BRI3BP: variants seen among roughly 807,000 people sequenced by gnomAD.
BRI3BP encodes BRI3-binding protein.
BRI3BP carries 7 observed loss-of-function variants against 15.8 expected under a neutral mutation model. That is an observed-to-expected ratio of 0.44 (90% CI 0.25 to 0.83). BRI3BP has a LOEUF of 0.83. Among genes scored for constraint, BRI3BP ranks in the 40% least tolerant of loss-of-function variants. The probability of loss-of-function intolerance (pLI) is 0.20; values close to 1 mark genes in which losing one functional copy is unlikely to be tolerated. For synonymous variants in BRI3BP, 192 were observed against 163.5 expected (o/e 1.17, Z -1.33); for missense variants, 320 against 339.3 (o/e 0.94, Z 0.45).
chr12:125,012,568 G>A lies in BRI3BP; in HGVS notation c.248G>A (p.Gly83Glu), dbSNP rs781183670. 9 of 1,613,076 alleles carry A rather than the reference G, an allele frequency of 5.6e-6. No homozygotes were observed. The Admixed American group carries it at 8.3e-5, about 15-fold the overall frequency. The change falls in exon 2 of 3, where the codon GGA (glycine) becomes GAA (glutamate). Residue 83 changes from glycine (G) to glutamate (E), a missense_variant. Transcript: ENST00000341446. ...AGGCTGACTGAGAGATTTGTGCTGG[G>A]AGTGGATATGTTCGTGGAGACACTG... ...LARLTERFVL[G>E]VDMFVETLWK...
chr12:125,012,623 T>G lies in BRI3BP; in HGVS notation c.303T>G (p.Val101=). The change falls in exon 2 of 3, where the codon GTT becomes GTG. Residue 101 remains valine (V), a synonymous_variant. Transcript: ENST00000341446. ...AAGTCTGGACCGAGCTCTTGGATGT[T>G]CTTGGACTTGACGGTAGGTGTAGGG... is the stretch of plus-strand genomic sequence containing the variant. ...LWKVWTELLD[V]LGLDVSNLSQ... 1 of 1,605,880 alleles carries G rather than the reference T, an allele frequency of 6.2e-7. No homozygotes were observed. Among genetic ancestry groups the G allele is most frequent in the Middle Eastern group, 1.7e-4 (1 of 6,044 alleles).
rs35063111 is a variant in BRI3BP at position 124,996,757 on chromosome 12, CT to C, written c.213+2771del. 9.2e-3 allele frequency among the ~76,000 whole-genome samples: 1,214 copies of C among 132,554 alleles called. 13 individuals are homozygous for C. The highest frequency in any genetic ancestry group is 0.028 in the African/African-American group (989 of 35,368). The allele number at this position is 132,554 out of a possible 152,430, so 87.0% of individuals were successfully genotyped here. On this transcript the variant is annotated intron_variant, in intron 1 of 2. Coordinates refer to ENST00000341446, the MANE Select transcript of BRI3BP (RefSeq NM_080626.6). The stretch of plus-strand genomic sequence containing the variant: ...GGTATTTAAAAAAACACCCCATAGT[CT>C]TTTTTTTTTTTTTTTTCCGAGATGG...
At chr12:125,043,471 T>A in the BRI3BP span, among the ~76,000 whole-genome samples, 1 of 152,034 alleles carries the variant, frequency 6.6e-6, no homozygotes, top group African/African-American at 2.4e-5. Context: ...ATGCCTATAA[T>A]CCCAGCACTT....
At chr12:125,024,846 A>G (rs1395857758) in intron 2 of BRI3BP, 145 bp from the exon 3 acceptor site, 5 of 683,624 alleles carry the variant, frequency 7.3e-6, no homozygotes, top group African/African-American at 3.6e-5. Context: ...AAGTGTGACT[A>G]TTCACAGAGG....
rs1398520872 is a variant in BRI3BP at position 125,030,602 on chromosome 12, C to G, written c.*5172C>G. On this transcript the variant is annotated 3_prime_UTR_variant, in exon 3 of 3. Coordinates refer to ENST00000341446, the MANE Select transcript of BRI3BP (RefSeq NM_080626.6). ...CGCTGATTGCCATTTGCATTGTCTA[C>G]TGAAAAGCTGTGGCAGCGAGTGGTA... is the stretch of plus-strand genomic sequence containing the variant. 1 of 152,228 alleles carries G rather than the reference C, an allele frequency of 6.6e-6. No individual in the cohort carries two copies. The highest frequency in any genetic ancestry group is 1.5e-5 in the Non-Finnish European group (1 of 68,040). The allele number at this position is 152,228 out of a possible 1,614,324, so 9.4% of individuals were successfully genotyped here. A position where few individuals can be genotyped will look rare whatever the true frequency, so the allele number is the denominator to read the frequency against.
intron 2 of BRI3BP, among the ~76,000 whole-genome samples, chr12:125,012,977 G>T (rs759899828): frequency 2.0e-5 from 3 of 152,136 alleles, no homozygotes; most frequent in Admixed American, 6.5e-5. Flanking sequence ...CCATCCACTT[G>T]GGAGGCTGAG....
chr12:125,044,020 TAA>T, the BRI3BP span, among the ~76,000 whole-genome samples: 70 of 131,702 alleles, frequency 5.3e-4, no homozygotes, highest in Non-Finnish European at 4.9e-4. Context: ...GCAAGACATT[TAA>T]AAAAAAAAAA....
At chr12:125,022,718 G>A (rs1171904870) in intron 2 of BRI3BP, among the ~76,000 whole-genome samples, 2 of 151,848 alleles carry the variant, frequency 1.3e-5, no homozygotes, top group Non-Finnish European at 2.9e-5. Context: ...GTAGAGATGG[G>A]GTTTCACCAT....
At chr12:125,022,552 CAG>C (rs1425775574) in intron 2 of BRI3BP, among the ~76,000 whole-genome samples, 1 of 53,970 alleles carries the variant, frequency 1.9e-5, no homozygotes, top group Non-Finnish European at 3.5e-5. Flanking sequence ...TTTTTTGAGA[CAG>C]AGCCTCACTG....
chr12:125,009,472 T>C (rs1201632763), intron 1 of BRI3BP, among the ~76,000 whole-genome samples: 18 of 151,908 alleles, frequency 1.2e-4, no homozygotes, highest in Non-Finnish European at 1.5e-5. Context: ...GTGTTTTCAG[T>C]AGAGACAAGG....
downstream of BRI3BP, among the ~76,000 whole-genome samples, chr12:125,032,584 A>T (rs1955414116): frequency 6.6e-6 from 1 of 152,222 alleles, no homozygotes; most frequent in Non-Finnish European, 1.5e-5. Flanking sequence ...CCTGGGCAAC[A>T]TAGTGAGAAC....
At chr12:125,048,260 G>C in the BRI3BP span, among the ~76,000 whole-genome samples, 1 of 152,084 alleles carries the variant, frequency 6.6e-6, no homozygotes, top group African/African-American at 2.4e-5. Context: ...TGCCTGCCTG[G>C]CTCATGGGTG....
chr12:125,037,685 G>A, the BRI3BP span, among the ~76,000 whole-genome samples: 3 of 151,864 alleles, frequency 2.0e-5, no homozygotes, highest in Admixed American at 1.3e-4. Flanking sequence ...GTTACTGTGC[G>A]CCTGTAATCC....
Position 125,029,167 on chromosome 12 carries a change from T to C in BRI3BP, c.*3737T>C, listed in dbSNP as rs970754996. On this transcript the variant is annotated 3_prime_UTR_variant, in exon 3 of 3. Coordinates refer to ENST00000341446, the MANE Select transcript of BRI3BP (RefSeq NM_080626.6). ...ATGTGTTGGGGTTGGTTTAGTGATCTCTTCCTTGACACCCTAGCAAAGATG... is the reference window on the plus strand; with the variant it reads ...ATGTGTTGGGGTTGGTTTAGTGATCCCTTCCTTGACACCCTAGCAAAGATG... 2.0e-5 allele frequency: 3 copies of C among 152,106 alleles called. No homozygotes were observed. Among genetic ancestry groups the C allele is most frequent in the African/African-American group, 7.2e-5 (3 of 41,414 alleles). 9.4% of individuals were successfully genotyped at this position (152,106 alleles called of 1,614,324 possible).
At chr12:125,014,125 A>G (rs981960711) in intron 2 of BRI3BP, among the ~76,000 whole-genome samples, 1 of 152,164 alleles carries the variant, frequency 6.6e-6, no homozygotes, top group African/African-American at 2.4e-5. Context: ...AGGATGAAGT[A>G]ACCTTCCCGT....
In BRI3BP at chr12:125,015,808, G is replaced by A. The variant is rs1354618525; in HGVS notation, c.316+3172G>A. On this transcript the variant is annotated intron_variant, in intron 2 of 2. Coordinates refer to ENST00000341446, the MANE Select transcript of BRI3BP (RefSeq NM_080626.6). ...ATCAGAGGCGTCAGCATAGCCAGAGGACACTGTGCACCTGGCAGCCCCCTG... is the reference window on the plus strand; with the variant it reads ...ATCAGAGGCGTCAGCATAGCCAGAGAACACTGTGCACCTGGCAGCCCCCTG... Among the ~76,000 whole-genome samples the A allele has an allele frequency of 2.0e-5, 3 of 152,228 alleles. No individual in the cohort carries two copies. The East Asian group carries it at 5.8e-4, about 29-fold the overall frequency.
intron 1 of BRI3BP, among the ~76,000 whole-genome samples, chr12:125,011,364 A>C (rs1955195376): frequency 6.6e-6 from 1 of 152,186 alleles, no homozygotes; most frequent in African/African-American, 2.4e-5. Flanking sequence ...GGTGGCATTC[A>C]TCATGGGCTC....
intron 1 of BRI3BP, among the ~76,000 whole-genome samples, chr12:125,000,207 C>G (rs1245731905): frequency 1.3e-5 from 2 of 150,566 alleles, no homozygotes; most frequent in Admixed American, 1.3e-4. Context: ...TGTAATTGCA[C>G]TACACCTCAA....
the BRI3BP span, among the ~76,000 whole-genome samples, chr12:125,044,607 C>A: frequency 6.6e-6 from 1 of 151,568 alleles, no homozygotes; most frequent in Non-Finnish European, 1.5e-5. Context: ...CGCCACCACA[C>A]CCAGTTAATT....
Sources: gnomAD v4.1 joint callset for allele counts (sites outside exome capture counted in the v4.1 genomes callset) on GRCh38, gnomAD v4.1.1 for gene constraint, MANE v1.5 for transcripts, NCBI Gene and HGNC (gene_info 2026-07-23, HGNC 2026-07-21) for gene names.